Variants in TEX46 observed in about 807,000 individuals in gnomAD.
TEX46 encodes testis-expressed protein 46.
A neutral mutation model predicts 5.3 loss-of-function variants in TEX46; 6 were observed. That is an observed-to-expected ratio of 1.13 (90% CI 0.62 to 2.23). The LOEUF is 2.23. Among genes scored for constraint, TEX46 ranks in the 30% most tolerant of loss-of-function variants. TEX46 has a pLI of 0.00. For synonymous variants in TEX46, 41 were observed against 54.6 expected (o/e 0.75, Z 1.10); for missense variants, 131 against 150.9 (o/e 0.87, Z 0.69).
chr1:23,011,012 G>T lies in TEX46; in HGVS notation c.255C>A (p.His85Gln), dbSNP rs774273202. The change falls in exon 3 of 3, where the codon CAC becomes CAA. Residue 85 changes from histidine to glutamine, a missense_variant. Transcript: ENST00000566855. ...QMFIIWNKMNHHGRSSRHRNF... is the reference protein window; with the variant it reads ...QMFIIWNKMNQHGRSSRHRNF... ...TCCGATGTCTGCTTGACCGCCCGTGGTGATTCATTTTATTCCATATGATGA... is the reference window on the plus strand; with the variant it reads ...TCCGATGTCTGCTTGACCGCCCGTGTTGATTCATTTTATTCCATATGATGA... 6.5e-7 allele frequency: 1 copy of T among 1,535,816 alleles called. No homozygotes were observed. Among genetic ancestry groups the T allele is most frequent in the Admixed American group, 2.0e-5 (1 of 50,974 alleles).
In TEX46 at chr1:23,011,066, C is replaced by T. The variant is rs960700047; in HGVS notation, c.201G>A (p.Met67Ile). The change falls in exon 3 of 3, where the codon ATG (methionine) becomes ATA (isoleucine). Residue 67 changes from methionine (M) to isoleucine (I), a missense_variant. Coordinates refer to ENST00000566855, the MANE Select transcript of TEX46 (RefSeq NM_001242521.2). ...TCTGATTTTCTAGGACCTTCATCTT[C>T]ATTTCACTGAACAACAGCCGTTGGA... ...EILQRLLFSE[M>I]KMKVLENQMF... 1.4e-5 allele frequency: 21 copies of T among 1,535,894 alleles called. No homozygotes were observed. Among genetic ancestry groups the T allele is most frequent in the Non-Finnish European group, 1.8e-5 (21 of 1,146,830 alleles).
At position 23,015,113 on chromosome 1, in the gene TEX46, G is replaced by A. The variant is rs548391915; in HGVS notation, c.2+659C>T. On this transcript the variant is annotated intron_variant, in intron 1 of 2. Transcript: ENST00000566855. ...CCACCTCGGCCTCCCAAAGTGCTGG[G>A]ATTACAGGTGTGAGTCCCCGTGCCC... Among the ~76,000 whole-genome samples, 34 of 151,586 alleles carry A rather than the reference G, an allele frequency of 2.2e-4. 1 individual carries two copies. Among genetic ancestry groups the A allele is most frequent in the Admixed American group, 9.9e-4 (15 of 15,224 alleles).
chr1:23,010,839 T>A lies in TEX46; in HGVS notation c.*62A>T. 7.8e-7 allele frequency: 1 copy of A among 1,283,638 alleles called. No individual in the cohort carries two copies. The highest frequency in any genetic ancestry group is 2.6e-5 in the East Asian group (1 of 39,188). The allele number at this position is 1,283,638 out of a possible 1,614,324, so 79.5% of individuals were successfully genotyped here. A position where few individuals can be genotyped will look rare whatever the true frequency, so the allele number is the denominator to read the frequency against. On this transcript the variant is annotated 3_prime_UTR_variant, in exon 3 of 3. Coordinates refer to ENST00000566855, the MANE Select transcript of TEX46 (RefSeq NM_001242521.2). ...GACTTACTATGAACATTCAATAGGCTGTGACTGGGTTTTACTGAGGTAAAA... is the reference window on the plus strand; with the variant it reads ...GACTTACTATGAACATTCAATAGGCAGTGACTGGGTTTTACTGAGGTAAAA...
At chr1:23,011,531 T>C (rs1196699471) in intron 2 of TEX46, among the ~76,000 whole-genome samples, 6 of 152,146 alleles carry the variant, frequency 3.9e-5, no homozygotes, top group African/African-American at 1.4e-4. Context: ...TAGCTGGGAT[T>C]ACAGGCACGT....
chr1:23,012,869 C>CTTTTT (rs58815269), intron 2 of TEX46, among the ~76,000 whole-genome samples: 1 of 103,072 alleles, frequency 9.7e-6, no homozygotes, highest in Non-Finnish European at 2.0e-5. Flanking sequence ...ATTGTTTTGC[C>CTTTTT]TTTTTTTTTT....
chr1:23,011,369 A>G (rs1029100950), intron 2 of TEX46, among the ~76,000 whole-genome samples: 1 of 149,996 alleles, frequency 6.7e-6, no homozygotes, highest in Non-Finnish European at 1.5e-5. Flanking sequence ...GAGACTTGGG[A>G]CCCAGTAACG....
At chr1:23,012,545 G>A (rs1444804160) in intron 2 of TEX46, among the ~76,000 whole-genome samples, 1 of 152,120 alleles carries the variant, frequency 6.6e-6, no homozygotes, top group Non-Finnish European at 1.5e-5. Context: ...CACCTTAACT[G>A]TAATCCTGCA....
intron 2 of TEX46, among the ~76,000 whole-genome samples, chr1:23,013,453 G>A (rs557222578): frequency 3.9e-5 from 6 of 152,336 alleles, no homozygotes; most frequent in South Asian, 2.1e-4. Context: ...GATTGCAGGC[G>A]TGAGCCACTG....
chr1:23,015,824 T>C lies in TEX46; in HGVS notation c.-51A>G, dbSNP rs140820807. 26 of 690,580 alleles carry C rather than the reference T, an allele frequency of 3.8e-5. No homozygotes were observed. In the East Asian group the frequency reaches 7.0e-4, roughly 19 times the overall value. The allele number at this position is 690,580 out of a possible 1,614,324, so 42.8% of individuals were successfully genotyped here. A position where few individuals can be genotyped will look rare whatever the true frequency, so the allele number is the denominator to read the frequency against. On this transcript the variant is annotated 5_prime_UTR_variant, in exon 1 of 3. Transcript: ENST00000566855. ...TAGAGGCAAAGAGTAGAATGGTGGC[T>C]GCCAGGGTCTGGAAGGAGGGGCAAA...
intron 2 of TEX46, 169 bp from the exon 3 acceptor site, chr1:23,011,270 C>A: frequency 1.7e-6 from 1 of 595,308 alleles, no homozygotes; most frequent in Admixed American, 2.9e-5. Flanking sequence ...CTTGCTTGAA[C>A]ACCTGCTCTG....
chr1:23,011,392 C>CT (rs35145511), intron 2 of TEX46, among the ~76,000 whole-genome samples: 5,205 of 133,220 alleles, frequency 0.039, 326 homozygotes, highest in African/African-American at 0.13. Flanking sequence ...AAGTCACTTT[C>CT]TTTTTTTTTT....
At chr1:23,015,657 C>A in intron 1 of TEX46, 115 bp downstream of exon 1, 2 of 632,620 alleles carry the variant, frequency 3.2e-6, no homozygotes, top group South Asian at 1.9e-5. Flanking sequence ...TATTACCAGC[C>A]TTAAAAAGGA....
Position 23,015,729 on chromosome 1 carries a change from G to A in TEX46, c.2+43C>T, listed in dbSNP as rs1217359952. 1.0e-5 allele frequency: 7 copies of A among 692,788 alleles called. No homozygotes were observed. The South Asian group carries it at 1.1e-4, about 10-fold the overall frequency. 42.9% of individuals were successfully genotyped at this position (692,788 alleles called of 1,614,324 possible). A position where few individuals can be genotyped will look rare whatever the true frequency, so the allele number is the denominator to read the frequency against. ...GAGGACATTAAGCTAAGTGAAATAAGTCAGTCACAAAAAAAAAACAAATAC... is the reference window on the plus strand; with the variant it reads ...GAGGACATTAAGCTAAGTGAAATAAATCAGTCACAAAAAAAAAACAAATAC... On this transcript the variant is annotated intron_variant, in intron 1 of 2. Transcript: ENST00000566855.
intron 1 of TEX46, 55 bp from the exon 2 acceptor site, chr1:23,014,100 A>C: frequency 6.6e-7 from 1 of 1,506,610 alleles, no homozygotes; most frequent in East Asian, 2.5e-5. Context: ...CACAGGCCCC[A>C]GGACCCTGCC....
intron 1 of TEX46, among the ~76,000 whole-genome samples, chr1:23,015,523 G>C (rs931288417): frequency 1.4e-5 from 2 of 139,210 alleles, no homozygotes; most frequent in Admixed American, 7.5e-5. Flanking sequence ...ATTGAAAGCA[G>C]AGTCTTGAAG....
Position 23,010,948 on chromosome 1 carries a change from A to C in TEX46, c.319T>G (p.Ser107Ala). 1 of 1,534,768 alleles carries C rather than the reference A, an allele frequency of 6.5e-7. No homozygotes were observed. Among genetic ancestry groups the C allele is most frequent in the Non-Finnish European group, 8.7e-7 (1 of 1,145,924 alleles). Residue 107 changes from serine (S) to alanine (A), a missense_variant, in exon 3 of 3, where the codon TCA becomes GCA. Physicochemically the swap from Ser to Ala is moderately conservative, Grantham distance 99. Coordinates refer to ENST00000566855, the MANE Select transcript of TEX46 (RefSeq NM_001242521.2). ...CAGTCAGACAGGGTGGGGCAAATTG[A>C]CTCATGCCTCCTCATTCTGTGTTTT... is the stretch of plus-strand genomic sequence containing the variant. Reference protein sequence around the residue: ...MKKHRMRRHESICPTLSDCTS... With the variant: ...MKKHRMRRHEAICPTLSDCTS...
Position 23,014,034 on chromosome 1 carries a change from C to G in TEX46, c.14G>C (p.Gly5Ala), listed in dbSNP as rs919606942. Residue 5 changes from glycine (G) to alanine (A), a missense_variant, in exon 2 of 3, where the codon GGG becomes GCG. Transcript: ENST00000566855. MSLHGILASAGTIGA... is the reference protein window; with the variant it reads MSLHAILASAGTIGA... ...TATGGTGCCTGCGGAGGCAAGTATC[C>G]CATGGAGACTCCTAAAGAGAAATAT... 6.5e-7 allele frequency: 1 copy of G among 1,535,796 alleles called. No homozygotes were observed. The highest frequency in any genetic ancestry group is 8.7e-7 in the Non-Finnish European group (1 of 1,146,826).
intron 2 of TEX46, 123 bp downstream of exon 2, chr1:23,013,757 TAGA>T: frequency 1.2e-6 from 1 of 857,618 alleles, no homozygotes; most frequent in Non-Finnish European, 1.8e-6. Context: ...AGTGGTGGTT[TAGA>T]CCAGTCTTGG....
At chr1:23,014,090 C>A in intron 1 of TEX46, 45 bp from the exon 2 acceptor site, 1 of 1,522,676 alleles carries the variant, frequency 6.6e-7, no homozygotes. Context: ...CGTGGAGGCA[C>A]ACAGGCCCCA....
Sources: gnomAD v4.1 joint callset for allele counts (sites outside exome capture counted in the v4.1 genomes callset) on GRCh38, gnomAD v4.1.1 for gene constraint, MANE v1.5 for transcripts, NCBI Gene and HGNC (gene_info 2026-07-23, HGNC 2026-07-21) for gene names.